TENM2: variants seen among roughly 807,000 people sequenced by gnomAD.
TENM2 encodes teneurin transmembrane protein 2.
Under a neutral mutation model 245.2 loss-of-function variants are expected in TENM2, and 52 were observed. That is an observed-to-expected ratio of 0.21 (90% CI 0.17 to 0.27). The LOEUF (loss-of-function observed/expected upper bound fraction) is 0.27, where lower values mean the gene tolerates loss of function less well. TENM2 is among the 10% of genes least tolerant of loss of function. The pLI is 1.00. For synonymous variants in TENM2, 1,363 were observed against 1,438.9 expected, an observed-to-expected ratio of 0.95 and a Z score of 1.19; for missense variants, 3,046 against 3,666.8, an observed-to-expected ratio of 0.83 and a Z score of 4.37.
the TENM2 span, among the ~76,000 whole-genome samples, chr5:167,050,614 C>A: frequency 6.6e-6 from 1 of 152,152 alleles, no homozygotes; most frequent in African/African-American, 2.4e-5. Context: ...TGAGGCAGGA[C>A]TGACCCTAGA....
At chr5:167,598,035 T>A (rs1332226989) in intron 2 of TENM2, among the ~76,000 whole-genome samples, 1 of 152,146 alleles carries the variant, frequency 6.6e-6, no homozygotes, top group Non-Finnish European at 1.5e-5. Flanking sequence ...CATTAACCCT[T>A]CTTGGAGTCA....
chr5:167,897,291 C>CT (rs35104265), intron 3 of TENM2, among the ~76,000 whole-genome samples: 117,630 of 148,998 alleles, frequency 0.79, 47,278 homozygotes, highest in East Asian at 0.98. Flanking sequence ...GAACTGGTAC[C>CT]TTTTTTTTTT....
At chr5:167,903,017 A>G (rs922131480) in intron 3 of TENM2, among the ~76,000 whole-genome samples, 3 of 152,260 alleles carry the variant, frequency 2.0e-5, no homozygotes, top group Non-Finnish European at 4.4e-5. Flanking sequence ...TGATGGATAC[A>G]TTAATTAGCT....
chr5:168,009,067 C>T lies in TENM2; in HGVS notation c.1186+15885C>T, dbSNP rs183849835. On this transcript the variant is annotated intron_variant, in intron 5 of 28. Coordinates refer to ENST00000518659, the Ensembl canonical transcript of TENM2. Reference sequence around the variant, plus strand: ...AAAGGCTAACAAAATTCCTCCATAACGTAGTGCTTACATGTAGTGCAAATT... The same window carrying T: ...AAAGGCTAACAAAATTCCTCCATAATGTAGTGCTTACATGTAGTGCAAATT... 1.6e-3 allele frequency among the ~76,000 whole-genome samples: 242 copies of T among 152,264 alleles called. 2 individuals carry two copies. The highest frequency in any genetic ancestry group is 1.0e-3 in the Non-Finnish European group (68 of 68,020).
At chr5:167,761,238 T>C (rs1336062845) in intron 2 of TENM2, among the ~76,000 whole-genome samples, 1 of 152,198 alleles carries the variant, frequency 6.6e-6, no homozygotes, top group African/African-American at 2.4e-5. Flanking sequence ...GTTTTTTGTT[T>C]TGAGTTTCTA....
chr5:167,070,771 A>G, the TENM2 span, among the ~76,000 whole-genome samples: 1 of 152,108 alleles, frequency 6.6e-6, no homozygotes, highest in African/African-American at 2.4e-5. Context: ...TTTAATCCTT[A>G]CACTGTACCC....
At chr5:167,767,030 C>A (rs1349052126) in intron 2 of TENM2, among the ~76,000 whole-genome samples, 1 of 152,132 alleles carries the variant, frequency 6.6e-6, no homozygotes, top group Admixed American at 6.5e-5. Context: ...ACCATATGAT[C>A]CAAATCCACT....
intron 9 of TENM2, among the ~76,000 whole-genome samples, chr5:168,115,071 A>T (rs1794949382): frequency 6.6e-6 from 1 of 152,132 alleles, no homozygotes; most frequent in South Asian, 2.1e-4. Context: ...AGGCGGGTGG[A>T]TCACCTGAGG....
chr5:167,628,420 G>A (rs1191754288), intron 2 of TENM2, among the ~76,000 whole-genome samples: 4 of 152,078 alleles, frequency 2.6e-5, no homozygotes, highest in East Asian at 1.9e-4. Context: ...TTCAACATTC[G>A]GTTCCATTCT....
At chr5:167,846,100 T>A (rs73370917) in intron 2 of TENM2, among the ~76,000 whole-genome samples, 7 of 152,068 alleles carry the variant, frequency 4.6e-5, no homozygotes, top group Non-Finnish European at 7.3e-5. Flanking sequence ...TGGGTTGCAA[T>A]GTCCCTGAAA....
chr5:167,007,162 A>G, the TENM2 span, among the ~76,000 whole-genome samples: 1 of 152,196 alleles, frequency 6.6e-6, no homozygotes, highest in Non-Finnish European at 1.5e-5. This position sits in a 1 kb window ranked among gnomAD's most constrained non-coding sequence, Gnocchi z 4.2. Context: ...TATTATTATC[A>G]CAATGATTTA....
rs949917507 is a variant in TENM2 at position 167,649,753 on chromosome 5, T to G, written c.503-226233T>G. On this transcript the variant is annotated intron_variant, in intron 2 of 28. Transcript: ENST00000518659. ...GAGGGTGCTAACAATGTATTAGGTA[T>G]CTAAGCAAATGTGATATATTTGATC... Among the ~76,000 whole-genome samples the G allele has an allele frequency of 1.6e-4, 24 of 152,176 alleles. 1 individual carries two copies. The highest frequency in any genetic ancestry group is 5.8e-4 in the African/African-American group (24 of 41,454).
At chr5:167,565,012 G>A (rs1773822088) in intron 2 of TENM2, among the ~76,000 whole-genome samples, 1 of 152,138 alleles carries the variant, frequency 6.6e-6, no homozygotes, top group Non-Finnish European at 1.5e-5. Flanking sequence ...CTGCCACAGG[G>A]GCCTAAAGTA....
the TENM2 span, among the ~76,000 whole-genome samples, chr5:167,226,795 A>G: frequency 4.0e-5 from 6 of 151,822 alleles, no homozygotes; most frequent in Admixed American, 2.0e-4. Context: ...GTTCCCCACT[A>G]TTTTTGCAGT....
chr5:167,802,666 C>T (rs576582391), intron 2 of TENM2, among the ~76,000 whole-genome samples: 2 of 152,238 alleles, frequency 1.3e-5, no homozygotes, highest in South Asian at 2.1e-4. Context: ...GAAATTAAAC[C>T]AGTTACACAC....
intron 2 of TENM2, among the ~76,000 whole-genome samples, chr5:167,548,351 G>A (rs1474743247): frequency 6.6e-6 from 1 of 152,084 alleles, no homozygotes; most frequent in Non-Finnish European, 1.5e-5. Flanking sequence ...TCCTTGACTT[G>A]GTACTGCTCT....
the TENM2 span, among the ~76,000 whole-genome samples, chr5:167,033,880 A>G: frequency 2.0e-5 from 3 of 152,176 alleles, no homozygotes; most frequent in Non-Finnish European, 4.4e-5. Flanking sequence ...GACTCAATAA[A>G]TTTTTTAGGG....
In TENM2 at chr5:168,247,258, A is replaced by T; in HGVS notation, c.6319A>T (p.Ile2107Leu). The change falls in exon 27 of 29, where the codon ATA becomes TTA. Residue 2107 changes from isoleucine to leucine, a missense_variant. Transcript: ENST00000518659. This position sits in a 1 kb window ranked among gnomAD's most constrained non-coding sequence, Gnocchi z 7.8. ...CCGCATCGCAAGCATCAAGCCCGTC[A>T]TAAGTGAGACTCCCCTCCCCGTTGA... 6.2e-7 allele frequency: 1 copy of T among 1,613,998 alleles called. No individual in the cohort carries two copies. Among genetic ancestry groups the T allele is most frequent in the Non-Finnish European group, 8.5e-7 (1 of 1,179,900 alleles).
At chr5:167,999,893 A>C (rs998857941) in intron 5 of TENM2, among the ~76,000 whole-genome samples, 3 of 152,168 alleles carry the variant, frequency 2.0e-5, no homozygotes, top group Non-Finnish European at 4.4e-5. Context: ...AACCCTGTGC[A>C]CCTCAAGAAT....
Sources: gnomAD v4.1 joint callset for allele counts (sites outside exome capture counted in the v4.1 genomes callset) on GRCh38, gnomAD v4.1.1 for gene constraint, Gnocchi (gnomAD v3.1) non-coding constraint, MANE v1.5 for transcripts, NCBI Gene and HGNC (gene_info 2026-07-23, HGNC 2026-07-21) for gene names.